Variants in TRIM2 observed in about 807,000 individuals in gnomAD.
TRIM2 encodes the protein tripartite motif-containing protein 2.
A neutral mutation model predicts 75.2 loss-of-function variants in TRIM2; 20 were observed. The observed-to-expected ratio is 0.27, with a 90% CI of 0.19 to 0.39. The LOEUF is 0.39. TRIM2 is among the 10% of genes least tolerant of loss of function. The probability of loss-of-function intolerance (pLI) is 1.00; values close to 1 mark genes in which losing one functional copy is unlikely to be tolerated. For missense variants in TRIM2, 660 were observed against 990.8 expected (o/e 0.67, Z 4.48); for synonymous variants, 373 against 388.3 (o/e 0.96, Z 0.46).
intron 1 of TRIM2, among the ~76,000 whole-genome samples, chr4:153,216,644 G>A (rs1029654296): frequency 9.2e-5 from 14 of 152,170 alleles, no homozygotes; most frequent in Non-Finnish European, 1.9e-4. Flanking sequence ...TGAGGCTGGC[G>A]AATTTATAGA....
chr4:153,196,575 C>A (rs1192541669), intron 1 of TRIM2, among the ~76,000 whole-genome samples: 1 of 152,182 alleles, frequency 6.6e-6, no homozygotes, highest in African/African-American at 2.4e-5. Flanking sequence ...CAGTACCCAG[C>A]ACGTAACAAA....
intron 1 of TRIM2, among the ~76,000 whole-genome samples, chr4:153,224,136 A>G (rs774769522): frequency 3.9e-5 from 6 of 152,108 alleles, no homozygotes; most frequent in Non-Finnish European, 8.8e-5. Context: ...CAGAACTGGT[A>G]CCTGCCCTTC....
At chr4:153,234,962 C>T (rs754198515) in intron 1 of TRIM2, among the ~76,000 whole-genome samples, 54 of 152,328 alleles carry the variant, frequency 3.5e-4, no homozygotes, top group Middle Eastern at 3.4e-3. Context: ...CTCGAGCACA[C>T]AGACCCCTCT....
intron 8 of TRIM2, among the ~76,000 whole-genome samples, chr4:153,317,608 C>A (rs532599449): frequency 6.6e-6 from 1 of 151,248 alleles, no homozygotes; most frequent in South Asian, 2.1e-4. Context: ...CAAGATCGTG[C>A]CACTGCACTC....
chr4:153,290,823 T>G (rs1761701890), intron 3 of TRIM2, among the ~76,000 whole-genome samples: 1 of 152,140 alleles, frequency 6.6e-6, no homozygotes, highest in East Asian at 1.9e-4. Flanking sequence ...GAGACAGAGC[T>G]TTGCTGTGGT....
intron 1 of TRIM2, among the ~76,000 whole-genome samples, chr4:153,224,367 G>C (rs1312215985): frequency 6.6e-6 from 1 of 151,746 alleles, no homozygotes; most frequent in Admixed American, 6.6e-5. Flanking sequence ...AGTTGGGCAG[G>C]GCCATCTACA....
intron 3 of TRIM2, among the ~76,000 whole-genome samples, chr4:153,287,580 T>A (rs1262266469): frequency 6.6e-6 from 1 of 152,192 alleles, no homozygotes; most frequent in Admixed American, 6.5e-5. Context: ...TCATTTCTTT[T>A]ACTATACATA....
At chr4:153,323,787 C>A (rs114746060) in intron 9 of TRIM2, among the ~76,000 whole-genome samples, 1 of 152,060 alleles carries the variant, frequency 6.6e-6, no homozygotes, top group African/African-American at 2.4e-5. Flanking sequence ...GATGGTGGCA[C>A]GGAGAATGAA....
chr4:153,279,613 C>G (rs997205742), intron 3 of TRIM2, among the ~76,000 whole-genome samples: 4 of 151,922 alleles, frequency 2.6e-5, no homozygotes, highest in African/African-American at 9.7e-5. Flanking sequence ...GAATTCCAGC[C>G]TGGGCAACAT....
Position 153,252,604 on chromosome 4 carries a change from C to T in TRIM2, c.31-17731C>T, listed in dbSNP as rs574549193. On this transcript the variant is annotated intron_variant, in intron 1 of 11. Coordinates refer to ENST00000338700, the MANE Select transcript of TRIM2 (RefSeq NM_015271.5). The stretch of plus-strand genomic sequence containing the variant: ...TCGGCTCACTGCAACCTCTGCTGCC[C>T]AGGTTCAAGATTCTCCTGCCTCAGC... Among the ~76,000 whole-genome samples the T allele has an allele frequency of 2.0e-5, 3 of 152,226 alleles. No homozygotes were observed. In the East Asian group the frequency reaches 5.8e-4, roughly 29 times the overall value.
Position 153,294,421 on chromosome 4 carries a change from C to T in TRIM2, c.722C>T (p.Thr241Ile). ...IHSTFDELQK[T>I]LNVRKSVLLM... The stretch of plus-strand genomic sequence containing the variant: ...TCCACCTTTGATGAGCTCCAGAAGA[C>T]TTTAAATGTGCGCAAGAGTGTGCTG... The change falls in exon 5 of 12, where the codon ACT (threonine) becomes ATT (isoleucine). Residue 241 changes from threonine (T) to isoleucine (I), a missense_variant. Thr to Ile is a moderately conservative substitution (Grantham distance 89). Coordinates refer to ENST00000338700, the MANE Select transcript of TRIM2 (RefSeq NM_015271.5). 1 of 1,614,148 alleles carries T rather than the reference C, an allele frequency of 6.2e-7. No individual in the cohort carries two copies. Among genetic ancestry groups the T allele is most frequent in the Non-Finnish European group, 8.5e-7 (1 of 1,180,036 alleles).
chr4:153,226,405 A>G (rs1054609918), intron 1 of TRIM2, among the ~76,000 whole-genome samples: 14 of 152,240 alleles, frequency 9.2e-5, no homozygotes, highest in African/African-American at 3.4e-4. Flanking sequence ...CTGTGGATAC[A>G]GGTTTTGCTT....
chr4:153,203,663 G>A (rs543182521), upstream of TRIM2, among the ~76,000 whole-genome samples: 23 of 151,582 alleles, frequency 1.5e-4, no homozygotes, highest in East Asian at 2.5e-3. Context: ...AGGCCAAGGC[G>A]GGCGGATCAC....
chr4:153,188,717 C>A (rs553752153), intron 1 of TRIM2, among the ~76,000 whole-genome samples: 1 of 151,460 alleles, frequency 6.6e-6, no homozygotes, highest in South Asian at 2.1e-4. Flanking sequence ...TCACTTGAGG[C>A]CAGGAGTTTG....
At chr4:153,244,355 C>CTCTTCTTCTTCTTCTTCT (rs1209366783) in intron 1 of TRIM2, among the ~76,000 whole-genome samples, 9 of 12,686 alleles carry the variant, frequency 7.1e-4, no homozygotes, top group Admixed American at 8.1e-4. Context: ...CTTCTTCTTC[C>CTCTTCTTCTTCTTCTTCT]TCTTCTTCTT....
rs148412849 is a variant in TRIM2 at position 153,334,819 on chromosome 4, T to C, written c.2169T>C (p.Phe723=). ...ADWGNSRIQV[F]DGSGSFLSYI... ...GACTTCCTATTTGTTTACAGGTTTT[T>C]GATGGGAGTGGATCATTTTTGTCCT... Residue 723 remains phenylalanine (F), a synonymous_variant, in exon 12 of 12, where the codon TTT becomes TTC. Coordinates refer to ENST00000338700, the MANE Select transcript of TRIM2 (RefSeq NM_015271.5). 108 of 1,610,900 alleles carry C rather than the reference T, an allele frequency of 6.7e-5. No homozygotes were observed. The highest frequency in any genetic ancestry group is 5.0e-4 in the South Asian group (45 of 90,570).
chr4:153,294,654 A>C (rs1762435641), intron 5 of TRIM2, among the ~76,000 whole-genome samples, 169 bp downstream of exon 5: 1 of 152,230 alleles, frequency 6.6e-6, no homozygotes, highest in Non-Finnish European at 1.5e-5. Flanking sequence ...TTTCAGCAAA[A>C]TTCGATGACT....
At position 153,272,756 on chromosome 4, in the gene TRIM2, C is replaced by G. The variant is rs999599973; in HGVS notation, c.215+2237C>G. On this transcript the variant is annotated intron_variant, in intron 2 of 11. Transcript: ENST00000338700. ...AAAGTGTTGGGCTTACAGGCGTGAG[C>G]CACTGCGTCCAGCCGAGAAGATTTC... Among the ~76,000 whole-genome samples the G allele has an allele frequency of 1.8e-4, 28 of 151,476 alleles. 1 individual carries two copies. The highest frequency in any genetic ancestry group is 5.2e-4 in the African/African-American group (21 of 40,730).
chr4:153,323,138 A>G (rs1054349351), intron 9 of TRIM2, among the ~76,000 whole-genome samples: 40 of 152,328 alleles, frequency 2.6e-4, no homozygotes, highest in African/African-American at 9.4e-4. Context: ...AGGAATAACT[A>G]CTGTTTCAGC....
Sources: gnomAD v4.1 joint callset for allele counts (sites outside exome capture counted in the v4.1 genomes callset) on GRCh38, gnomAD v4.1.1 for gene constraint, MANE v1.5 for transcripts, NCBI Gene and HGNC (gene_info 2026-07-23, HGNC 2026-07-21) for gene names.